Variants in GRID1 observed in about 807,000 individuals in gnomAD.
GRID1 encodes the protein glutamate receptor ionotropic, delta-1.
In GRID1, 28 loss-of-function variants were observed where a neutral mutation model predicts 98.0. That is an observed-to-expected ratio of 0.29 (90% CI 0.21 to 0.39). The LOEUF (loss-of-function observed/expected upper bound fraction) is 0.39, where lower values mean the gene tolerates loss of function less well. Among genes scored for constraint, GRID1 ranks in the 10% least tolerant of loss-of-function variants. The probability of loss-of-function intolerance (pLI) is 1.00; values close to 1 mark genes in which losing one functional copy is unlikely to be tolerated. For missense variants in GRID1, 1,111 were observed against 1,340.5 expected, an observed-to-expected ratio of 0.83 and a Z score of 2.67; for synonymous variants, 553 against 538.5, an observed-to-expected ratio of 1.03 and a Z score of -0.37.
chr10:85,607,577 G>C (rs994823879), intron 15 of GRID1, among the ~76,000 whole-genome samples: 1 of 152,156 alleles, frequency 6.6e-6, no homozygotes, highest in African/African-American at 2.4e-5. Context: ...GTTTTTCAAA[G>C]CATCAGGAGA....
At chr10:86,308,817 C>T (rs1012781855) in intron 2 of GRID1, among the ~76,000 whole-genome samples, 2 of 152,108 alleles carry the variant, frequency 1.3e-5, no homozygotes, top group Admixed American at 6.5e-5. Context: ...CGAGAGAGCA[C>T]GAGAGGGCCT....
At chr10:85,872,624 C>A (rs750701006) in intron 5 of GRID1, among the ~76,000 whole-genome samples, 1 of 152,344 alleles carries the variant, frequency 6.6e-6, no homozygotes, top group Non-Finnish European at 1.5e-5. Flanking sequence ...GCTAAGTGGG[C>A]CAAGGGCAGC....
At chr10:85,962,302 G>A (rs935657947) in intron 4 of GRID1, among the ~76,000 whole-genome samples, 1 of 152,164 alleles carries the variant, frequency 6.6e-6, no homozygotes, top group African/African-American at 2.4e-5. Flanking sequence ...TGACTGGATG[G>A]AAGTGATCTT....
intron 12 of GRID1, among the ~76,000 whole-genome samples, chr10:85,709,945 G>GA (rs1029143188): frequency 2.0e-5 from 3 of 151,130 alleles, no homozygotes; most frequent in Non-Finnish European, 3.0e-5. Context: ...TTTAAAAGTT[G>GA]AAAAAAAATA....
chr10:86,034,262 A>G (rs993015558), intron 4 of GRID1, among the ~76,000 whole-genome samples: 5 of 152,142 alleles, frequency 3.3e-5, no homozygotes, highest in African/African-American at 1.2e-4. Flanking sequence ...GTGTGTGAGT[A>G]TGTGTGTGCA....
intron 8 of GRID1, among the ~76,000 whole-genome samples, chr10:85,759,278 C>T (rs1842125573): frequency 1.3e-5 from 2 of 152,256 alleles, no homozygotes; most frequent in African/African-American, 4.8e-5. Context: ...TTCCAGGCAT[C>T]CCAGTATGAT....
At chr10:86,262,233 C>T (rs142298717) in intron 2 of GRID1, among the ~76,000 whole-genome samples, 1 of 152,356 alleles carries the variant, frequency 6.6e-6, no homozygotes, top group African/African-American at 2.4e-5. Context: ...CCCAGGAAGC[C>T]AGGCAGAAAC....
Position 86,330,929 on chromosome 10 carries a change from C to T in GRID1, c.235+33012G>A, listed in dbSNP as rs528410616. 1.3e-4 allele frequency among the ~76,000 whole-genome samples: 20 copies of T among 152,298 alleles called. No homozygotes were observed. The East Asian group carries it at 3.1e-3, about 24-fold the overall frequency. ...GAGCTAGGGGACCACAGCAAGTTCC[C>T]GCAGCCAAGGGGCAGGAGGGCCTGG... On this transcript the variant is annotated intron_variant, in intron 2 of 15. Transcript: ENST00000327946.
chr10:85,996,767 T>C (rs948131313), intron 4 of GRID1, among the ~76,000 whole-genome samples: 1 of 148,894 alleles, frequency 6.7e-6, no homozygotes, highest in Admixed American at 6.7e-5. Flanking sequence ...AGGTAGAGGT[T>C]GCAGTGAGCT....
chr10:85,775,276 T>A lies in GRID1; in HGVS notation c.1234-45662A>T, dbSNP rs532568885. Reference sequence around the variant, plus strand: ...TCACTCATAGGTGGGAATTGAACAATGAGAACACATGGACACAGGAAGGGG... The same window carrying A: ...TCACTCATAGGTGGGAATTGAACAAAGAGAACACATGGACACAGGAAGGGG... On this transcript the variant is annotated intron_variant, in intron 8 of 15. Transcript: ENST00000327946. Among the ~76,000 whole-genome samples, 690 of 130,660 alleles carry A rather than the reference T, an allele frequency of 5.3e-3. 9 individuals are homozygous for A. The Middle Eastern group carries it at 0.068, about 13-fold the overall frequency. The allele number at this position is 130,660 out of a possible 152,430, so 85.7% of individuals were successfully genotyped here.
chr10:85,919,074 G>A lies in GRID1; in HGVS notation c.727-2835C>T, dbSNP rs76593543. On this transcript the variant is annotated intron_variant, in intron 4 of 15. Transcript: ENST00000327946. ...TGCCTCTTGGCTTCAGGGGCTGAGA[G>A]CCCTGCTTCAGAATATGTAGTTCTG... is the stretch of plus-strand genomic sequence containing the variant. Among the ~76,000 whole-genome samples, 215 of 151,518 alleles carry A rather than the reference G, an allele frequency of 1.4e-3. 1 individual carries two copies. Among genetic ancestry groups the A allele is most frequent in the African/African-American group, 5.0e-3 (205 of 40,798 alleles).
At chr10:85,913,481 A>C (rs12255016) in intron 5 of GRID1, among the ~76,000 whole-genome samples, 1 of 152,228 alleles carries the variant, frequency 6.6e-6, no homozygotes, top group East Asian at 1.9e-4. Context: ...TGCCTGGCAC[A>C]TAGTAGGTGA....
chr10:86,003,236 A>T (rs1358780499), intron 4 of GRID1, among the ~76,000 whole-genome samples: 2 of 152,208 alleles, frequency 1.3e-5, no homozygotes, highest in East Asian at 3.8e-4. Context: ...GCCAGGAGGC[A>T]GCTGCCCTCA....
At chr10:85,968,415 C>T (rs1842365813) in intron 4 of GRID1, among the ~76,000 whole-genome samples, 1 of 141,134 alleles carries the variant, frequency 7.1e-6, no homozygotes, top group African/African-American at 2.7e-5. Flanking sequence ...CGCGCCACTG[C>T]ACTCTAGCCT....
At chr10:85,887,911 GGCCTCCAT>G (rs1380734152) in intron 5 of GRID1, among the ~76,000 whole-genome samples, 2 of 151,880 alleles carry the variant, frequency 1.3e-5, no homozygotes, top group Non-Finnish European at 2.9e-5. Flanking sequence ...GCCTCTACCT[GGCCTCCAT>G]GCAAGCCAGA....
chr10:86,151,795 C>T (rs1360808807), intron 3 of GRID1, among the ~76,000 whole-genome samples: 1 of 152,094 alleles, frequency 6.6e-6, no homozygotes, highest in Non-Finnish European at 1.5e-5. Context: ...TCCCTGGGAC[C>T]AGCAGTGTCT....
intron 4 of GRID1, among the ~76,000 whole-genome samples, chr10:86,125,478 C>T (rs181302782): frequency 1.9e-3 from 260 of 140,364 alleles, no homozygotes; most frequent in African/African-American, 8.0e-3. Context: ...ACAGGAAAGA[C>T]CAAAAGTGCC....
chr10:85,760,110 T>C (rs1325783665), intron 8 of GRID1, among the ~76,000 whole-genome samples: 3 of 152,192 alleles, frequency 2.0e-5, no homozygotes, highest in African/African-American at 7.2e-5. Flanking sequence ...TTTTTGTTAG[T>C]AGCACCCTAT....
chr10:86,020,478 G>C (rs577252286), intron 4 of GRID1, among the ~76,000 whole-genome samples: 1 of 152,264 alleles, frequency 6.6e-6, no homozygotes, highest in Non-Finnish European at 1.5e-5. Context: ...GGGCTCAGGG[G>C]AATCAGGCTG....
Sources: allele counts gnomAD v4.1 joint callset (sites outside exome capture counted in the v4.1 genomes callset), GRCh38; gene constraint gnomAD v4.1.1; transcripts MANE v1.5; gene names NCBI Gene and HGNC (gene_info 2026-07-23, HGNC 2026-07-21).